Variants in SDK1 observed in about 807,000 individuals in gnomAD.
SDK1 encodes the protein sidekick cell adhesion molecule 1, also known as protein sidekick-1.
In SDK1, 157 loss-of-function variants were observed where a neutral mutation model predicts 245.5. That is an observed-to-expected ratio of 0.64 (90% CI 0.56 to 0.73). The LOEUF is 0.73. Ranked by LOEUF, SDK1 falls within the 30% of genes least tolerant of loss-of-function variation. The pLI is 0.00. For synonymous variants in SDK1, 1,647 were observed against 1,278.5 expected, an observed-to-expected ratio of 1.29 and a Z score of -6.15; for missense variants, 3,583 against 3,002.3, an observed-to-expected ratio of 1.19 and a Z score of -4.52.
At chr7:3,526,424 A>G (rs1354083282) in intron 1 of SDK1, among the ~76,000 whole-genome samples, 1 of 152,148 alleles carries the variant, frequency 6.6e-6, no homozygotes, top group Middle Eastern at 3.2e-3. Context: ...CTTCCATTTA[A>G]TAATCATTGG....
intron 17 of SDK1, among the ~76,000 whole-genome samples, chr7:4,045,688 C>T (rs1248718238): frequency 3.3e-5 from 5 of 152,102 alleles, no homozygotes; most frequent in African/African-American, 9.7e-5. Flanking sequence ...CATGGGCATC[C>T]GCATCTCAAA....
chr7:4,130,629 C>G (rs983006851), intron 27 of SDK1: 4 of 152,496 alleles, frequency 2.6e-5, no homozygotes, highest in Non-Finnish European at 5.9e-5. Flanking sequence ...CTGGATGGCC[C>G]AGGGTCCCCA....
intron 4 of SDK1, among the ~76,000 whole-genome samples, chr7:3,741,393 C>A (rs1369845019): frequency 2.0e-5 from 3 of 152,206 alleles, no homozygotes; most frequent in African/African-American, 7.2e-5. Context: ...CTGCAGTGGT[C>A]TCCTTGTGTG....
intron 1 of SDK1, among the ~76,000 whole-genome samples, chr7:3,372,078 A>G (rs950954963): frequency 2.0e-5 from 3 of 152,218 alleles, no homozygotes; most frequent in South Asian, 4.1e-4. Context: ...ATTCAGATGT[A>G]AAACAACAGC....
chr7:3,674,944 C>G (rs997657672), intron 4 of SDK1, among the ~76,000 whole-genome samples: 1 of 152,080 alleles, frequency 6.6e-6, no homozygotes, highest in African/African-American at 2.4e-5. Context: ...TTCCTGACCC[C>G]TGTGGATAGA....
intron 5 of SDK1, among the ~76,000 whole-genome samples, chr7:3,893,048 G>A (rs527418523): frequency 2.0e-5 from 3 of 152,270 alleles, no homozygotes; most frequent in African/African-American, 7.2e-5. Context: ...CCAGGCAGCC[G>A]TTTACCAGGT....
intron 5 of SDK1, among the ~76,000 whole-genome samples, chr7:3,858,112 T>C (rs1459201217): frequency 6.6e-6 from 1 of 152,234 alleles, no homozygotes; most frequent in Middle Eastern, 3.2e-3. Context: ...AGTATATTCA[T>C]GCTATGGAAT....
At chr7:3,303,354 C>T (rs1380426999) in intron 1 of SDK1, among the ~76,000 whole-genome samples, 2 of 152,120 alleles carry the variant, frequency 1.3e-5, no homozygotes, top group African/African-American at 4.8e-5. Context: ...CAGTGACTTG[C>T]ATTTTGCACT....
chr7:3,876,344 G>C (rs932960384), intron 5 of SDK1, among the ~76,000 whole-genome samples: 1 of 152,170 alleles, frequency 6.6e-6, no homozygotes, highest in African/African-American at 2.4e-5. Context: ...ACAAGTTTTT[G>C]ACATCCAATG....
chr7:3,732,048 C>T (rs1371728431), intron 4 of SDK1, among the ~76,000 whole-genome samples: 1 of 152,206 alleles, frequency 6.6e-6, no homozygotes, highest in Non-Finnish European at 1.5e-5. Flanking sequence ...CCTCAGCCTC[C>T]CAGAGTGCTG....
Position 3,791,935 on chromosome 7 carries a change from G to A in SDK1, c.714-29515G>A, listed in dbSNP as rs115163506. ...GCCCAGGAGTTTGAAACCAGCCTGG[G>A]CAACACAGGGAGAGTTTGTCTTTCC... On this transcript the variant is annotated intron_variant, in intron 4 of 44. Transcript: ENST00000404826. Among the ~76,000 whole-genome samples, 863 of 151,984 alleles carry A rather than the reference G, an allele frequency of 5.7e-3. 9 individuals carry two copies. Among genetic ancestry groups the A allele is most frequent in the African/African-American group, 0.02 (826 of 41,458 alleles).
At chr7:3,606,068 A>G (rs953411478) in intron 1 of SDK1, among the ~76,000 whole-genome samples, 3 of 152,068 alleles carry the variant, frequency 2.0e-5, no homozygotes, top group African/African-American at 4.8e-5. Flanking sequence ...CTCTGTGTGG[A>G]TGTCTAGTGG....
At chr7:4,076,070 G>C (rs751205966) in intron 20 of SDK1, among the ~76,000 whole-genome samples, 4 of 152,128 alleles carry the variant, frequency 2.6e-5, no homozygotes, top group Admixed American at 2.6e-4. Flanking sequence ...TAGAAAACAG[G>C]ATATATGAAA....
In SDK1 at chr7:3,767,685, A is replaced by T. The variant is rs532563106; in HGVS notation, c.714-53765A>T. Among the ~76,000 whole-genome samples, 45 of 152,244 alleles carry T rather than the reference A, an allele frequency of 3.0e-4. 1 individual carries two copies. Among genetic ancestry groups the T allele is most frequent in the African/African-American group, 1.1e-3 (45 of 41,552 alleles). On this transcript the variant is annotated intron_variant, in intron 4 of 44. Coordinates refer to ENST00000404826, the MANE Select transcript of SDK1 (RefSeq NM_152744.4). ...AACAGAAGCACTGAGACATGAGGTA[A>T]TGTAGTTAGGAGGGGAAAATAGAAT...
At chr7:3,455,951 G>C in intron 1 of SDK1, among the ~76,000 whole-genome samples, 1 of 152,066 alleles carries the variant, frequency 6.6e-6, no homozygotes, top group East Asian at 1.9e-4. Context: ...AGTTTTCCTT[G>C]TCTTAGAATG....
intron 5 of SDK1, among the ~76,000 whole-genome samples, chr7:3,920,955 C>A (rs1324153535): frequency 6.6e-6 from 1 of 152,166 alleles, no homozygotes; most frequent in African/African-American, 2.4e-5. Context: ...ACCACCCCTG[C>A]CCTCAAATGA....
At chr7:3,813,824 T>C (rs1442795948) in intron 4 of SDK1, among the ~76,000 whole-genome samples, 12 of 116,990 alleles carry the variant, frequency 1.0e-4, no homozygotes, top group East Asian at 2.4e-4. Context: ...TGAGATGATA[T>C]CTCATAGTGG....
At chr7:3,589,304 G>T (rs1027383989) in intron 1 of SDK1, among the ~76,000 whole-genome samples, 3 of 151,992 alleles carry the variant, frequency 2.0e-5, no homozygotes, top group Non-Finnish European at 2.9e-5. Flanking sequence ...GCGTGGGCCT[G>T]TTGACGTCAG....
chr7:3,590,141 C>A (rs988138708), intron 1 of SDK1, among the ~76,000 whole-genome samples: 1 of 152,136 alleles, frequency 6.6e-6, no homozygotes, highest in Non-Finnish European at 1.5e-5. Context: ...GAATGTAAAG[C>A]TTATAGCAGG....
Sources: allele counts gnomAD v4.1 joint callset (sites outside exome capture counted in the v4.1 genomes callset), GRCh38; gene constraint gnomAD v4.1.1; transcripts MANE v1.5; gene names NCBI Gene and HGNC (gene_info 2026-07-23, HGNC 2026-07-21).